The following ERC2 variants were observed in gnomAD, a reference collection of about 807,000 sequenced individuals.
ERC2 encodes the protein ELKS/RAB6-interacting/CAST family member 2.
A neutral mutation model predicts 114.8 loss-of-function variants in ERC2; 42 were observed. That is an observed-to-expected ratio of 0.37 (90% CI 0.29 to 0.47). The LOEUF (loss-of-function observed/expected upper bound fraction) is 0.47. ERC2 is among the 20% of genes least tolerant of loss of function. The pLI, the probability that ERC2 is intolerant of heterozygous loss-of-function variation, is 0.99. For synonymous variants in ERC2, 454 were observed against 425.5 expected, an observed-to-expected ratio of 1.07 and a Z score of -0.82; for missense variants, 939 against 1,150.7, an observed-to-expected ratio of 0.82 and a Z score of 2.66.
At chr3:56,369,979 T>C (rs2059302748) in intron 2 of ERC2, among the ~76,000 whole-genome samples, 1 of 152,178 alleles carries the variant, frequency 6.6e-6, no homozygotes, top group Non-Finnish European at 1.5e-5. Context: ...CCGGCCTGGA[T>C]ACTACTTCTT....
intron 7 of ERC2, among the ~76,000 whole-genome samples, chr3:56,066,868 G>C (rs1387615672): frequency 2.0e-5 from 3 of 152,114 alleles, no homozygotes; most frequent in African/African-American, 7.2e-5. Context: ...TAGATGTGTG[G>C]TATTATTTCT....
chr3:56,464,886 GAA>G (rs572140708), intron 1 of ERC2, among the ~76,000 whole-genome samples: 1 of 137,944 alleles, frequency 7.2e-6, no homozygotes, highest in Non-Finnish European at 1.6e-5. Flanking sequence ...AAAGAAAAAA[GAA>G]AAAAAAAAAG....
At chr3:55,657,644 G>A (rs1020313831) in intron 17 of ERC2, 2 of 151,990 alleles carry the variant, frequency 1.3e-5, no homozygotes, top group Non-Finnish European at 2.9e-5. Flanking sequence ...TTTGAAAATA[G>A]AGAGAGGATT....
chr3:56,317,135 T>A (rs567781931), intron 2 of ERC2, among the ~76,000 whole-genome samples: 3 of 152,266 alleles, frequency 2.0e-5, no homozygotes, highest in South Asian at 2.1e-4. Flanking sequence ...AGGGAATGTG[T>A]ACAAAGTGCT....
intron 6 of ERC2, among the ~76,000 whole-genome samples, chr3:56,128,091 T>A (rs1305518310): frequency 6.6e-6 from 1 of 151,350 alleles, no homozygotes. Flanking sequence ...AATAAATTTT[T>A]AAATTTTAAA....
intron 2 of ERC2, among the ~76,000 whole-genome samples, chr3:56,432,060 G>A (rs571364459): frequency 3.9e-5 from 6 of 152,304 alleles, no homozygotes; most frequent in Admixed American, 6.5e-5. Context: ...CAAATGGTTC[G>A]AAATGTTTTT....
chr3:55,796,464 C>T (rs1280235612), intron 14 of ERC2, among the ~76,000 whole-genome samples: 8 of 152,142 alleles, frequency 5.3e-5, no homozygotes, highest in African/African-American at 1.9e-4. Flanking sequence ...CTCACTCTTT[C>T]GCCCAGGCTG....
intron 17 of ERC2, among the ~76,000 whole-genome samples, chr3:55,530,198 A>G (rs1229959981): frequency 6.6e-6 from 1 of 152,206 alleles, no homozygotes; most frequent in Non-Finnish European, 1.5e-5. Context: ...TGGGGAATAA[A>G]TGATGTTTAG....
rs563083039 is a variant in ERC2, at chr3:56,244,341, T to C, written c.1074+51678A>G. Among the ~76,000 whole-genome samples the C allele has an allele frequency of 2.9e-4, 44 of 152,338 alleles. No homozygotes were observed. The Middle Eastern group carries it at 0.014, about 47-fold the overall frequency. On this transcript the variant is annotated intron_variant, in intron 3 of 17. Transcript: ENST00000288221. ...TAAATGACTATGTTACTGGTTTATCTATTTACTATATTATACTTTTTATCT... is the reference window on the plus strand; with the variant it reads ...TAAATGACTATGTTACTGGTTTATCCATTTACTATATTATACTTTTTATCT...
In ERC2 at chr3:56,133,269, C is replaced by T. The variant is rs939905462; in HGVS notation, c.1473+6240G>A. Among the ~76,000 whole-genome samples the T allele has an allele frequency of 7.9e-5, 12 of 152,216 alleles. 1 individual carries two copies. The South Asian group carries it at 1.2e-3, about 16-fold the overall frequency. Reference sequence around the variant, plus strand: ...CCTGGGCAACATGGCAAAACCCTGTCTCTACTAAAATACAAAAATTAGCTG... The same window carrying T: ...CCTGGGCAACATGGCAAAACCCTGTTTCTACTAAAATACAAAAATTAGCTG... On this transcript the variant is annotated intron_variant, in intron 6 of 17. Coordinates refer to ENST00000288221, the MANE Select transcript of ERC2 (RefSeq NM_015576.3).
At chr3:55,759,417 C>T (rs577974796) in intron 14 of ERC2, among the ~76,000 whole-genome samples, 133 of 145,080 alleles carry the variant, frequency 9.2e-4, no homozygotes, top group African/African-American at 2.9e-3. Context: ...TCTCCTCCCC[C>T]TCTCTGGGAG....
At position 55,557,238 on chromosome 3, in the gene ERC2, G is replaced by GC. The variant is rs533496010; in HGVS notation, c.*40-45963dup. 5.0e-4 allele frequency among the ~76,000 whole-genome samples: 76 copies of GC among 152,190 alleles called. 1 individual carries two copies. Among genetic ancestry groups the GC allele is most frequent in the Non-Finnish European group, 7.8e-4 (53 of 68,014 alleles). On this transcript the variant is annotated intron_variant, in intron 17 of 17. Transcript: ENST00000288221. ...AATTTGGGGTGGAAAGTGGCAGATG[G>GC]CCCCCCCAGTGGAGGGGACAGTGTG... is the stretch of plus-strand genomic sequence containing the variant.
intron 6 of ERC2, among the ~76,000 whole-genome samples, chr3:56,100,985 A>G (rs1463503972): frequency 6.6e-6 from 1 of 150,908 alleles, no homozygotes; most frequent in East Asian, 1.9e-4. Flanking sequence ...ATTAAGGAGG[A>G]AAAAAAATCA....
At chr3:56,411,334 C>T (rs1419636513) in intron 2 of ERC2, among the ~76,000 whole-genome samples, 1 of 151,736 alleles carries the variant, frequency 6.6e-6, no homozygotes, top group African/African-American at 2.4e-5. Context: ...ATCTGCTTGC[C>T]TGCCTCACCC....
intron 7 of ERC2, among the ~76,000 whole-genome samples, chr3:56,051,826 AACACACACACACACACACACACAC>A (rs370057271): frequency 0.012 from 1,520 of 130,120 alleles, 20 homozygotes; most frequent in African/African-American, 0.04. Flanking sequence ...CTCCATCTCA[AACACACACACACACACACACACAC>A]ACACACACAC....
At chr3:55,810,795 T>C (rs1012473104) in intron 14 of ERC2, among the ~76,000 whole-genome samples, 6 of 152,194 alleles carry the variant, frequency 3.9e-5, no homozygotes, top group African/African-American at 1.4e-4. Flanking sequence ...TGCATATCTA[T>C]ATGATACCTT....
At chr3:55,713,522 T>C (rs948853359) in intron 15 of ERC2, among the ~76,000 whole-genome samples, 1 of 152,214 alleles carries the variant, frequency 6.6e-6, no homozygotes, top group African/African-American at 2.4e-5. Context: ...TGTCCCTTAC[T>C]AAATATTTTG....
At position 55,783,657 on chromosome 3, in the gene ERC2, C is replaced by T. The variant is rs150330377; in HGVS notation, c.2565-48739G>A. 5.8e-3 allele frequency among the ~76,000 whole-genome samples: 888 copies of T among 152,170 alleles called. 11 individuals are homozygous for T. The highest frequency in any genetic ancestry group is 0.02 in the African/African-American group (838 of 41,522). On this transcript the variant is annotated intron_variant, in intron 14 of 17. Transcript: ENST00000288221. ...AGATTGATGGTATGGTCTTGATGTG[C>T]CTATCATTTGGGCTTACTGAGGCTG...
chr3:55,532,035 T>C (rs2053698624), intron 17 of ERC2, among the ~76,000 whole-genome samples: 1 of 152,238 alleles, frequency 6.6e-6, no homozygotes, highest in Non-Finnish European at 1.5e-5. Context: ...ATACCAAGAC[T>C]ACGCAAATAG....
Sources: allele counts gnomAD v4.1 joint callset (sites outside exome capture counted in the v4.1 genomes callset), GRCh38; gene constraint gnomAD v4.1.1; transcripts MANE v1.5; gene names NCBI Gene and HGNC (gene_info 2026-07-23, HGNC 2026-07-21).